MED13L: variants seen among roughly 807,000 people sequenced by gnomAD.
MED13L encodes mediator complex subunit 13L, also known as mediator of RNA polymerase II transcription subunit 13-like.
In MED13L, 7 loss-of-function variants were observed where a neutral mutation model predicts 220.9. The observed-to-expected ratio is 0.03, with a 90% confidence interval of 0.02 to 0.06. The LOEUF (loss-of-function observed/expected upper bound fraction) is 0.06. MED13L is among the 10% of genes least tolerant of loss of function. The pLI is 1.00. For synonymous variants in MED13L, 1,011 were observed against 1,015.2 expected, an observed-to-expected ratio of 1.00 and a Z score of 0.08; for missense variants, 1,965 against 2,760.5, an observed-to-expected ratio of 0.71 and a Z score of 6.46.
intron 4 of MED13L, among the ~76,000 whole-genome samples, chr12:116,085,093 A>G (rs1326470626): frequency 1.3e-5 from 2 of 152,190 alleles, no homozygotes; most frequent in African/African-American, 4.8e-5. Flanking sequence ...TTGCCTAACA[A>G]TGTTCCCTCT....
intron 2 of MED13L, among the ~76,000 whole-genome samples, chr12:116,171,168 A>T (rs1879657776): frequency 6.6e-6 from 1 of 151,956 alleles, no homozygotes; most frequent in South Asian, 2.1e-4. Context: ...CCACAACCCT[A>T]CTCCCTTGAT....
intron 2 of MED13L, among the ~76,000 whole-genome samples, chr12:116,231,292 C>T (rs776452564): frequency 6.6e-6 from 1 of 152,182 alleles, no homozygotes; most frequent in Non-Finnish European, 1.5e-5. Flanking sequence ...AGGGATCAAG[C>T]TCAGTACCAT....
intron 4 of MED13L, among the ~76,000 whole-genome samples, chr12:116,075,620 C>T (rs1434914623): frequency 6.6e-6 from 1 of 152,216 alleles, no homozygotes; most frequent in Non-Finnish European, 1.5e-5. Context: ...CAACTTGAAG[C>T]TGTGCTACTG....
At chr12:115,970,491 T>C (rs774746584) in intron 27 of MED13L, 103 bp downstream of exon 27, 1 of 1,230,686 alleles carries the variant, frequency 8.1e-7, no homozygotes. Context: ...GTTCCTGGGT[T>C]GTTTATTACA....
intron 2 of MED13L, among the ~76,000 whole-genome samples, chr12:116,131,414 T>C (rs1348848151): frequency 6.6e-6 from 1 of 152,176 alleles, no homozygotes; most frequent in Non-Finnish European, 1.5e-5. Context: ...TTAACCAGCA[T>C]AAGTATGCTT....
chr12:116,011,375 T>C (rs1312986843), intron 9 of MED13L, among the ~76,000 whole-genome samples: 4 of 152,232 alleles, frequency 2.6e-5, no homozygotes, highest in African/African-American at 9.6e-5. Context: ...GCATTATTTG[T>C]TTATTTACAC....
At chr12:116,143,329 T>C (rs1268592086) in intron 2 of MED13L, among the ~76,000 whole-genome samples, 1 of 134,766 alleles carries the variant, frequency 7.4e-6, no homozygotes, top group Non-Finnish European at 1.6e-5. Flanking sequence ...ACACCTTGTC[T>C]CAAAAAAAAA....
chr12:115,989,517 C>T (rs544410429), intron 17 of MED13L, among the ~76,000 whole-genome samples: 10 of 152,108 alleles, frequency 6.6e-5, no homozygotes, highest in Admixed American at 2.6e-4. Context: ...CTCATCTGTG[C>T]CCCCTTAATT....
At chr12:116,026,154 G>A (rs1319550938) in intron 4 of MED13L, among the ~76,000 whole-genome samples, 9 of 152,202 alleles carry the variant, frequency 5.9e-5, no homozygotes, top group African/African-American at 4.8e-5. Context: ...AAAGGATGTC[G>A]GGGGCCATCC....
chr12:116,119,900 G>T (rs1353192951), intron 2 of MED13L, among the ~76,000 whole-genome samples: 1 of 121,176 alleles, frequency 8.3e-6, no homozygotes, highest in Non-Finnish European at 1.6e-5. Context: ...GAAGTCTTAA[G>T]AATTTGTAGT....
intron 4 of MED13L, among the ~76,000 whole-genome samples, chr12:116,068,353 C>T (rs1302368275): frequency 6.6e-6 from 1 of 152,158 alleles, no homozygotes; most frequent in East Asian, 1.9e-4. Context: ...AAACAAATGC[C>T]AATTAAATAC....
intron 2 of MED13L, among the ~76,000 whole-genome samples, chr12:116,118,430 T>C (rs944354475): frequency 4.6e-5 from 7 of 152,246 alleles, no homozygotes; most frequent in African/African-American, 7.2e-5. Context: ...GTCTTAGATA[T>C]TGCATTGAAA....
At chr12:116,276,947 C>G (rs540716013) in intron 1 of MED13L, 113 bp downstream of exon 1, 1 of 1,200,256 alleles carries the variant, frequency 8.3e-7, no homozygotes, top group African/African-American at 1.5e-5. Flanking sequence ...GGCGGGGAGA[C>G]GCGAGGGAGG....
intron 2 of MED13L, among the ~76,000 whole-genome samples, chr12:116,179,225 GTGT>G (rs1880312788): frequency 3.9e-5 from 6 of 152,000 alleles, no homozygotes; most frequent in Admixed American, 1.3e-4. Flanking sequence ...GTGTGTGTGT[GTGT>G]GTGTGTGTAC....
At chr12:116,012,586 G>C (rs1051645345) in intron 9 of MED13L, among the ~76,000 whole-genome samples, 3 of 152,074 alleles carry the variant, frequency 2.0e-5, no homozygotes, top group East Asian at 1.9e-4. Context: ...AAAGTTGTGG[G>C]AGCAATATGT....
At chr12:116,276,349 T>TGTGCGC in intron 1 of MED13L, 1 of 646,312 alleles carries the variant, frequency 1.5e-6, no homozygotes, top group Non-Finnish European at 2.4e-6. Context: ...TGTGTGTGTG[T>TGTGCGC]GTGCGGATTC....
Position 115,959,721 on chromosome 12 carries a change from T to C in MED13L, c.*1545A>G, listed in dbSNP as rs1875642821. On this transcript the variant is annotated 3_prime_UTR_variant, in exon 31 of 31. Transcript: ENST00000281928. ...AACAAAATTATCCATTTACAAGTTATTTCTCTGCTTTCACATTCCCACCAC... is the reference window on the plus strand; with the variant it reads ...AACAAAATTATCCATTTACAAGTTACTTCTCTGCTTTCACATTCCCACCAC... The C allele has an allele frequency of 6.6e-6, 1 of 152,652 alleles. No homozygotes were observed. The highest frequency in any genetic ancestry group is 6.5e-5 in the Admixed American group (1 of 15,276). The allele number at this position is 152,652 out of a possible 1,614,324, so 9.5% of individuals were successfully genotyped here. A position where few individuals can be genotyped will look rare whatever the true frequency, so the allele number is the denominator to read the frequency against.
intron 2 of MED13L, among the ~76,000 whole-genome samples, chr12:116,142,540 T>C (rs565054398): frequency 2.6e-4 from 39 of 151,940 alleles, no homozygotes; most frequent in African/African-American, 8.2e-4. Context: ...ATACAAAAAT[T>C]AGCCAGGCAT....
chr12:115,983,617 CT>C, intron 20 of MED13L, 77 bp from the exon 21 acceptor site: 1 of 1,462,062 alleles, frequency 6.8e-7, no homozygotes, highest in South Asian at 1.2e-5. Context: ...AGAATGGTCA[CT>C]TGTAAAAACA....
Sources: gnomAD v4.1 joint callset for allele counts (sites outside exome capture counted in the v4.1 genomes callset) on GRCh38, gnomAD v4.1.1 for gene constraint, MANE v1.5 for transcripts, NCBI Gene and HGNC (gene_info 2026-07-23, HGNC 2026-07-21) for gene names.